The following EFNA5 variants were observed in gnomAD, a reference collection of about 807,000 sequenced individuals.
The protein encoded by EFNA5 is ephrin A5.
EFNA5 carries 5 observed loss-of-function variants against 22.9 expected under a neutral mutation model. The ratio of observed to expected loss-of-function variants is 0.22; its 90% CI spans 0.11 to 0.46. The LOEUF is 0.46. EFNA5 is among the 20% of genes least tolerant of loss of function. EFNA5 has a pLI of 0.99. For missense variants in EFNA5, 237 were observed against 293.3 expected, an observed-to-expected ratio of 0.81 and a Z score of 1.40; for synonymous variants, 113 against 112.2, an observed-to-expected ratio of 1.01 and a Z score of -0.04.
intron 1 of EFNA5, among the ~76,000 whole-genome samples, chr5:107,518,244 C>A (rs1011183173): frequency 1.1e-4 from 15 of 142,394 alleles, no homozygotes; most frequent in African/African-American, 3.4e-4. Context: ...TTTGCATACA[C>A]AACTGAGTAA....
intron 1 of EFNA5, among the ~76,000 whole-genome samples, chr5:107,661,785 C>T (rs1367663410): frequency 6.6e-6 from 1 of 152,068 alleles, no homozygotes; most frequent in Non-Finnish European, 1.5e-5. Context: ...GTTGTATATC[C>T]CACTGACATC....
At chr5:107,438,176 T>C (rs1345657845) in intron 1 of EFNA5, among the ~76,000 whole-genome samples, 4 of 152,162 alleles carry the variant, frequency 2.6e-5, no homozygotes, top group African/African-American at 7.2e-5. Flanking sequence ...TACTAATTCA[T>C]TACAAATCAG....
chr5:107,441,371 C>G (rs150498440), intron 1 of EFNA5, among the ~76,000 whole-genome samples: 1 of 152,108 alleles, frequency 6.6e-6, no homozygotes, highest in East Asian at 1.9e-4. Context: ...TAAACCTGCC[C>G]TGAAGCATGC....
At chr5:107,482,412 T>G (rs1347012099) in intron 1 of EFNA5, among the ~76,000 whole-genome samples, 1 of 152,246 alleles carries the variant, frequency 6.6e-6, no homozygotes, top group African/African-American at 2.4e-5. Flanking sequence ...GAAAATAGTC[T>G]GTTTTAAGAC....
intron 1 of EFNA5, among the ~76,000 whole-genome samples, chr5:107,543,596 AT>A (rs1427111251): frequency 1.3e-5 from 2 of 152,230 alleles, no homozygotes; most frequent in East Asian, 3.8e-4. Context: ...TAAACTTTAT[AT>A]ACAGCATACC....
chr5:107,511,870 C>G (rs935757030), intron 1 of EFNA5, among the ~76,000 whole-genome samples: 1 of 152,068 alleles, frequency 6.6e-6, no homozygotes, highest in Non-Finnish European at 1.5e-5. Context: ...GTTCAAAGGG[C>G]TAAAAAACAA....
In EFNA5 at chr5:107,668,318, T is replaced by C. The variant is rs186820103; in HGVS notation, c.125+2171A>G. ...CAGGTTCAAAGCCTCCATGGCATCC[T>C]GAGCAGAAGAGTTTTCTGCAGGCAG... On this transcript the variant is annotated intron_variant, in intron 1 of 4. Transcript: ENST00000333274. Among the ~76,000 whole-genome samples, 865 of 152,352 alleles carry C rather than the reference T, an allele frequency of 5.7e-3. 4 individuals are homozygous for C. Among genetic ancestry groups the C allele is most frequent in the Non-Finnish European group, 9.0e-3 (609 of 68,034 alleles).
At chr5:107,427,088 A>T (rs1464455432) in intron 2 of EFNA5, 129 bp downstream of exon 2, 2 of 955,274 alleles carry the variant, frequency 2.1e-6, no homozygotes, top group Non-Finnish European at 3.2e-6. Flanking sequence ...AGGGATCCTG[A>T]TGTACGCATT....
chr5:107,640,855 C>T (rs1307498573), intron 1 of EFNA5, among the ~76,000 whole-genome samples: 1 of 152,182 alleles, frequency 6.6e-6, no homozygotes, highest in Non-Finnish European at 1.5e-5. Context: ...GGTGTCTCTC[C>T]TTCCCCAGGA....
At chr5:107,549,932 C>T (rs1180720344) in intron 1 of EFNA5, among the ~76,000 whole-genome samples, 1 of 152,232 alleles carries the variant, frequency 6.6e-6, no homozygotes, top group African/African-American at 2.4e-5. Flanking sequence ...TTGGTTAGTA[C>T]CTATGGCTCT....
intron 1 of EFNA5, among the ~76,000 whole-genome samples, chr5:107,603,648 T>C (rs1400421819): frequency 1.3e-5 from 2 of 152,184 alleles, no homozygotes; most frequent in African/African-American, 4.8e-5. Context: ...TTTACATGTG[T>C]TTCCCATGCT....
At chr5:107,654,235 G>C (rs1750783926) in intron 1 of EFNA5, among the ~76,000 whole-genome samples, 1 of 152,130 alleles carries the variant, frequency 6.6e-6, no homozygotes, top group Non-Finnish European at 1.5e-5. Context: ...AGCCAATAAA[G>C]CTTCCCTGTG....
At chr5:107,619,425 C>G (rs12656968) in intron 1 of EFNA5, among the ~76,000 whole-genome samples, 24,174 of 151,750 alleles carry the variant, frequency 0.16, 2,268 homozygotes, top group Non-Finnish European at 0.22. Context: ...AAATTCTAAT[C>G]TAAATCATGC....
chr5:107,670,484 C>T lies in EFNA5; in HGVS notation c.125+5G>A, dbSNP rs1421431121. 1.3e-6 allele frequency: 2 copies of T among 1,560,478 alleles called. No homozygotes were observed. The highest frequency in any genetic ancestry group is 1.9e-5 in the Admixed American group (1 of 53,398). ...GCCCTGGCTCTCCGCCTGTTATCGG[C>T]TTACCTGGGGTTGCTGCTGTTCCAG... On this transcript the variant is annotated splice_donor_5th_base_variant and intron_variant, in intron 1 of 4. Transcript: ENST00000333274.
chr5:107,486,156 T>A (rs1185002664), intron 1 of EFNA5, among the ~76,000 whole-genome samples: 1 of 152,182 alleles, frequency 6.6e-6, no homozygotes, highest in Non-Finnish European at 1.5e-5. Flanking sequence ...ATTCCAATAA[T>A]TTGATGGACA....
At chr5:107,600,257 G>A (rs751812293) in intron 1 of EFNA5, among the ~76,000 whole-genome samples, 6 of 152,198 alleles carry the variant, frequency 3.9e-5, no homozygotes, top group Non-Finnish European at 7.3e-5. Flanking sequence ...AGATAGAACA[G>A]TGGCACAGAA....
intron 2 of EFNA5, among the ~76,000 whole-genome samples, chr5:107,391,534 G>A (rs746854713): frequency 1.1e-4 from 17 of 152,084 alleles, no homozygotes; most frequent in Admixed American, 4.6e-4. Context: ...AAAAAATCTA[G>A]ATCTGAAATC....
Position 107,377,917 on chromosome 5 carries a change from A to G in EFNA5, c.*3338T>C, listed in dbSNP as rs365807. On this transcript the variant is annotated 3_prime_UTR_variant, in exon 5 of 5. Transcript: ENST00000333274. ...CCGAGGACAAAATATCGATCAAAAA[A>G]GTCATGTTGTTCCAGGTCCCAAGAT... 0.31 allele frequency: 47,260 copies of G among 152,022 alleles called. 7,866 individuals carry two copies. Among genetic ancestry groups the G allele is most frequent in the East Asian group, 0.47 (2,419 of 5,158 alleles). 9.4% of individuals were successfully genotyped at this position (152,022 alleles called of 1,614,324 possible). A position where few individuals can be genotyped will look rare whatever the true frequency, so the allele number is the denominator to read the frequency against.
intron 1 of EFNA5, among the ~76,000 whole-genome samples, chr5:107,597,932 C>T (rs1255033510): frequency 6.6e-6 from 1 of 152,056 alleles, no homozygotes; most frequent in South Asian, 2.1e-4. Context: ...AATGGAGAGA[C>T]CTAATAATTA....
Sources: allele counts gnomAD v4.1 joint callset (sites outside exome capture counted in the v4.1 genomes callset), GRCh38; gene constraint gnomAD v4.1.1; transcripts MANE v1.5; gene names NCBI Gene and HGNC (gene_info 2026-07-23, HGNC 2026-07-21).